Variants in SUGCT observed in about 807,000 individuals in gnomAD.
The protein encoded by SUGCT is succinyl-CoA:glutarate-CoA transferase.
A neutral mutation model predicts 55.0 loss-of-function variants in SUGCT; 41 were observed. The ratio of observed to expected loss-of-function variants is 0.74; its 90% CI spans 0.58 to 0.97. The LOEUF is 0.97. Among genes scored for constraint, SUGCT ranks in the 50% least tolerant of loss-of-function variants. SUGCT has a pLI of 0.00. For missense variants in SUGCT, 568 were observed against 547.8 expected, an observed-to-expected ratio of 1.04 and a Z score of -0.37; for synonymous variants, 187 against 200.4, an observed-to-expected ratio of 0.93 and a Z score of 0.56.
chr7:40,474,436 G>A (rs1790553075), intron 11 of SUGCT, among the ~76,000 whole-genome samples: 1 of 152,166 alleles, frequency 6.6e-6, no homozygotes, highest in African/African-American at 2.4e-5. Context: ...ACCAGAGGGT[G>A]TGGATGTTAG....
At chr7:40,198,465 G>C (rs1412798968) in intron 6 of SUGCT, among the ~76,000 whole-genome samples, 1 of 152,198 alleles carries the variant, frequency 6.6e-6, no homozygotes, top group Non-Finnish European at 1.5e-5. Context: ...AAATTTATTA[G>C]TCAGGGAGTC....
chr7:40,386,426 A>G (rs116494716), intron 9 of SUGCT, among the ~76,000 whole-genome samples: 186 of 152,312 alleles, frequency 1.2e-3, no homozygotes, highest in African/African-American at 4.4e-3. Context: ...GATGGTGCAT[A>G]GAACAAAGTA....
intron 13 of SUGCT, among the ~76,000 whole-genome samples, chr7:40,802,213 A>G (rs1408761484): frequency 6.6e-6 from 1 of 152,124 alleles, no homozygotes; most frequent in Non-Finnish European, 1.5e-5. Context: ...AAATGAATTG[A>G]AGATATGCTG....
intron 12 of SUGCT, among the ~76,000 whole-genome samples, chr7:40,536,478 T>C (rs1794367234): frequency 1.3e-5 from 2 of 152,204 alleles, no homozygotes; most frequent in Non-Finnish European, 1.5e-5. Flanking sequence ...TAAGAAAAGA[T>C]GGCAAGGTAA....
At chr7:41,008,897 G>A in the SUGCT span, among the ~76,000 whole-genome samples, 1 of 152,100 alleles carries the variant, frequency 6.6e-6, no homozygotes, top group Non-Finnish European at 1.5e-5. Flanking sequence ...GGTCCCACCC[G>A]AAGGGATGGT....
chr7:40,872,905 A>G, the SUGCT span, among the ~76,000 whole-genome samples: 1 of 151,354 alleles, frequency 6.6e-6, no homozygotes, highest in Non-Finnish European at 1.5e-5. Context: ...TCTGCTCTGG[A>G]GAAGAACTGA....
the SUGCT span, among the ~76,000 whole-genome samples, chr7:40,866,406 G>A: frequency 6.6e-6 from 1 of 151,762 alleles, no homozygotes; most frequent in African/African-American, 2.4e-5. Context: ...TCCTTGGAGA[G>A]GGTCAGGAAA....
the SUGCT span, among the ~76,000 whole-genome samples, chr7:40,949,460 C>T: frequency 0.016 from 2,454 of 152,178 alleles, 30 homozygotes; most frequent in Middle Eastern, 0.038. Context: ...TTTAGTTTAA[C>T]TAGATCCCAT....
At chr7:40,618,447 A>G (rs755487646) in intron 12 of SUGCT, among the ~76,000 whole-genome samples, 1 of 152,196 alleles carries the variant, frequency 6.6e-6, no homozygotes, top group African/African-American at 2.4e-5. Flanking sequence ...TGGTACCCAT[A>G]CTACTGTCCT....
At chr7:40,528,499 T>C (rs796207286) in intron 12 of SUGCT, among the ~76,000 whole-genome samples, 69 of 152,338 alleles carry the variant, frequency 4.5e-4, no homozygotes, top group African/African-American at 1.5e-3. Flanking sequence ...TGGAAAATTC[T>C]GTTTTAGACC....
At chr7:40,912,429 T>G in the SUGCT span, among the ~76,000 whole-genome samples, 1 of 152,336 alleles carries the variant, frequency 6.6e-6, no homozygotes, top group Admixed American at 6.5e-5. Flanking sequence ...ATCCAACCAA[T>G]TATAACATTG....
intron 7 of SUGCT, among the ~76,000 whole-genome samples, chr7:40,256,009 T>C (rs1346321086): frequency 6.6e-6 from 1 of 152,228 alleles, no homozygotes; most frequent in Admixed American, 6.5e-5. Flanking sequence ...TCCACCATCT[T>C]GCTCCACCAC....
chr7:40,483,642 T>A (rs1025296914), intron 11 of SUGCT, among the ~76,000 whole-genome samples: 1 of 151,862 alleles, frequency 6.6e-6, no homozygotes, highest in African/African-American at 2.4e-5. Flanking sequence ...TGATAAAGGA[T>A]TTATTTCTAG....
intron 12 of SUGCT, among the ~76,000 whole-genome samples, chr7:40,551,540 G>T (rs941020957): frequency 3.9e-5 from 6 of 152,160 alleles, no homozygotes; most frequent in African/African-American, 1.4e-4. Flanking sequence ...TATATATGTT[G>T]TGCTCGGTCA....
chr7:40,160,594 A>G (rs189856080), intron 1 of SUGCT, among the ~76,000 whole-genome samples: 126 of 152,324 alleles, frequency 8.3e-4, no homozygotes, highest in African/African-American at 3.0e-3. Context: ...GATAGGGAAA[A>G]ATTACTTTTA....
At chr7:40,445,472 C>T (rs1417996389) in intron 9 of SUGCT, among the ~76,000 whole-genome samples, 1 of 152,054 alleles carries the variant, frequency 6.6e-6, no homozygotes, top group Admixed American at 6.6e-5. Context: ...CCTGAATAGA[C>T]CAATATCAGG....
At chr7:40,284,266 C>T (rs913001070) in intron 8 of SUGCT, among the ~76,000 whole-genome samples, 4 of 151,834 alleles carry the variant, frequency 2.6e-5, no homozygotes, top group African/African-American at 4.8e-5. Context: ...CTTTAAATTT[C>T]GTAAGAGATT....
intron 9 of SUGCT, among the ~76,000 whole-genome samples, chr7:40,380,082 T>A (rs1482892303): frequency 5.3e-5 from 8 of 152,214 alleles, no homozygotes; most frequent in Admixed American, 1.3e-4. Flanking sequence ...AGGAAAGCCT[T>A]GAAAATGAGG....
intron 6 of SUGCT, among the ~76,000 whole-genome samples, chr7:40,218,369 T>C (rs1787797011): frequency 6.6e-6 from 1 of 152,122 alleles, no homozygotes; most frequent in Non-Finnish European, 1.5e-5. Context: ...CTTCTCCAAA[T>C]GAAGTGGGGG....
Sources: allele counts gnomAD v4.1 joint callset (sites outside exome capture counted in the v4.1 genomes callset), GRCh38; gene constraint gnomAD v4.1.1; transcripts MANE v1.5; gene names NCBI Gene and HGNC (gene_info 2026-07-23, HGNC 2026-07-21).